ZDHHC8: variants seen among roughly 807,000 people sequenced by gnomAD.
The protein encoded by ZDHHC8 is zDHHC palmitoyltransferase 8, also known as palmitoyltransferase ZDHHC8.
Under a neutral mutation model 61.2 loss-of-function variants are expected in ZDHHC8, and 24 were observed. The ratio of observed to expected loss-of-function variants is 0.39; its 90% confidence interval spans 0.28 to 0.55. The LOEUF (loss-of-function observed/expected upper bound fraction) is 0.55. Ranked by LOEUF, ZDHHC8 falls within the 20% of genes least tolerant of loss-of-function variation. ZDHHC8 has a pLI of 0.60. For synonymous variants in ZDHHC8, 523 were observed against 492.5 expected, an observed-to-expected ratio of 1.06 and a Z score of -0.82; for missense variants, 935 against 1,102.1, an observed-to-expected ratio of 0.85 and a Z score of 2.15.
chr22:20,141,214 C>A lies in ZDHHC8; in HGVS notation c.895-3C>A. The A allele has an allele frequency of 6.2e-7, 1 of 1,610,468 alleles. No individual in the cohort carries two copies. Among genetic ancestry groups the A allele is most frequent in the Non-Finnish European group, 8.5e-7 (1 of 1,178,968 alleles). On this transcript the variant is annotated splice_region_variant and splice_polypyrimidine_tract_variant and intron_variant, in intron 7 of 10. Transcript: ENST00000334554. ...ACACACCACTGACCCCGCTCCCTCC[C>A]AGTCCAAGGGCAGCCTGGACCGGCT...
At chr22:20,141,108 CAG>C (rs2050465237) in intron 7 of ZDHHC8, 96 bp downstream of exon 7, 25 of 1,591,864 alleles carry the variant, frequency 1.6e-5, no homozygotes, top group Middle Eastern at 2.0e-4. Flanking sequence ...ATGGGGCAGA[CAG>C]AGCCGTAGAC....
rs2050489951 is a variant in ZDHHC8 at position 20,143,254 on chromosome 22, G to A, written c.1624G>A (p.Asp542Asn). ...CCGGGAGCCCTCGCCTGTGCGCTAC[G>A]ACAACCTGTCCAGGACCATCATGGC... ...RPREPSPVRY[D>N]NLSRTIMASI... is the part of the protein sequence containing the mutation. The change falls in exon 10 of 11, where the codon GAC becomes AAC. Residue 542 changes from aspartate (D) to asparagine (N), a missense_variant. Coordinates refer to ENST00000334554, the MANE Select transcript of ZDHHC8 (RefSeq NM_013373.4). 2.5e-6 allele frequency: 4 copies of A among 1,606,252 alleles called. No individual in the cohort carries two copies. The highest frequency in any genetic ancestry group is 1.1e-5 in the South Asian group (1 of 91,014).
At chr22:20,134,687 C>T (rs973884019) in intron 1 of ZDHHC8, among the ~76,000 whole-genome samples, 1 of 152,250 alleles carries the variant, frequency 6.6e-6, no homozygotes, top group Non-Finnish European at 1.5e-5. Flanking sequence ...TTCACCCATG[C>T]ACCAGGTGGG....
Position 20,136,197 on chromosome 22 carries a change from A to G in ZDHHC8, c.105-2997A>G, listed in dbSNP as rs1036993470. On this transcript the variant is annotated intron_variant, in intron 1 of 10. Transcript: ENST00000334554. ...ATGGCGGGCCAGACACTCCACCTCC[A>G]GCCCAGGCCCAGAGCCTGTCTTTGC... Among the ~76,000 whole-genome samples the G allele has an allele frequency of 6.6e-5, 10 of 152,204 alleles. No homozygotes were observed. In the East Asian group the frequency reaches 1.2e-3, roughly 18 times the overall value.
At chr22:20,143,839 CAT>C in intron 10 of ZDHHC8, 83 bp downstream of exon 10, 2 of 1,454,402 alleles carry the variant, frequency 1.4e-6, no homozygotes, top group Admixed American at 2.3e-5. Flanking sequence ...GCTGGGCACT[CAT>C]AGGTCATCCC....
intron 5 of ZDHHC8, 169 bp from the exon 6 acceptor site, chr22:20,140,448 C>A: frequency 1.2e-6 from 1 of 823,210 alleles, no homozygotes; most frequent in Non-Finnish European, 1.9e-6. Context: ...CAGCTCCCTG[C>A]AAGTTCAGGC....
chr22:20,142,733 G>C, intron 9 of ZDHHC8, 23 bp from the exon 10 acceptor site: 1 of 1,611,330 alleles, frequency 6.2e-7, no homozygotes. Flanking sequence ...GTGGGCAGTG[G>C]TGAGAATGCC....
Position 20,143,438 on chromosome 22 carries a change from G to T in ZDHHC8, c.1808G>T (p.Arg603Leu). ...LSEGPRGPAL[R>L]YGSRDDLVAG... is the part of the protein sequence containing the mutation. ...GAGGGCCCCCGAGGTCCCGCGCTGC[G>T]CTATGGCTCCAGAGACGACCTTGTG... Residue 603 changes from arginine to leucine, a missense_variant, in exon 10 of 11, where the codon CGC becomes CTC. Coordinates refer to ENST00000334554, the MANE Select transcript of ZDHHC8 (RefSeq NM_013373.4). 6.2e-7 allele frequency: 1 copy of T among 1,600,536 alleles called. No homozygotes were observed. The highest frequency in any genetic ancestry group is 8.5e-7 in the Non-Finnish European group (1 of 1,179,130).
In ZDHHC8 at chr22:20,131,877, G is replaced by A. The variant is rs1259017607; in HGVS notation, c.-71G>A. ...TGCGCCGCGTCCAGCCCGCCCGCCC[G>A]ACCCCGGCCCGACCCCGGCCGGCCC... On this transcript the variant is annotated 5_prime_UTR_variant, in exon 1 of 11. Coordinates refer to ENST00000334554, the MANE Select transcript of ZDHHC8 (RefSeq NM_013373.4). 1.3e-4 allele frequency: 23 copies of A among 180,814 alleles called. No homozygotes were observed. The highest frequency in any genetic ancestry group is 1.7e-4 in the Non-Finnish European group (17 of 99,502). The allele number at this position is 180,814 out of a possible 1,614,324, so 11.2% of individuals were successfully genotyped here.
chr22:20,134,917 C>T (rs548844115), intron 1 of ZDHHC8, among the ~76,000 whole-genome samples: 4 of 152,024 alleles, frequency 2.6e-5, no homozygotes, highest in Non-Finnish European at 5.9e-5. Flanking sequence ...CTTCAGGAAG[C>T]CTTCCTAGGA....
rs1217929953 is a variant in ZDHHC8, at chr22:20,139,557, C to T, written c.306C>T (p.Arg102=). 6.2e-7 allele frequency: 1 copy of T among 1,613,428 alleles called. No homozygotes were observed. Among genetic ancestry groups the T allele is most frequent in the Admixed American group, 1.7e-5 (1 of 60,022 alleles). Residue 102 remains arginine (R), a synonymous_variant, in exon 3 of 11, where the codon CGC becomes CGT. Transcript: ENST00000334554. ...KNVDVRGIQV[R]MKWCATCHFY... ...TGGATGTGCGAGGTATCCAGGTCCGCATGAAGTGGTGTGCCACGTGCCACT... is the reference window on the plus strand; with the variant it reads ...TGGATGTGCGAGGTATCCAGGTCCGTATGAAGTGGTGTGCCACGTGCCACT...
Position 20,142,987 on chromosome 22 carries a change from T to C in ZDHHC8, c.1357T>C (p.Ser453Pro). 3.7e-6 allele frequency: 6 copies of C among 1,605,590 alleles called. No individual in the cohort carries two copies. The highest frequency in any genetic ancestry group is 1.3e-5 in the African/African-American group (1 of 74,872). ...GDHVALQPLR[S>P]EGGPPTPHRS... The stretch of plus-strand genomic sequence containing the variant: ...TCATGTGGCCCTGCAGCCCCTGCGC[T>C]CTGAGGGGGGGCCCCCCACGCCCCA... Residue 453 changes from serine to proline, a missense_variant, in exon 10 of 11, where the codon TCT (serine) becomes CCT (proline). Coordinates refer to ENST00000334554, the MANE Select transcript of ZDHHC8 (RefSeq NM_013373.4).
rs2050455157 is a variant in ZDHHC8, at chr22:20,140,131, G to A, written c.574G>A (p.Val192Met). ...HTTITMAVMCVAGLFFIPVIG... is the reference protein window; with the variant it reads ...HTTITMAVMCMAGLFFIPVIG... ...ACGGGCTAGCATGGCTGTCATGTGT[G>A]TGGCCGGCCTCTTCTTCATCCCTGT... is the stretch of plus-strand genomic sequence containing the variant. The change falls in exon 5 of 11, where the codon GTG becomes ATG. Residue 192 changes from valine (V) to methionine (M), a missense_variant. Around this residue, in one of 3 missense-constraint regions of ZDHHC8, gnomAD observed 199 missense variants for 334.0 expected, o/e 0.60. Coordinates refer to ENST00000334554, the MANE Select transcript of ZDHHC8 (RefSeq NM_013373.4). 1 of 1,613,732 alleles carries A rather than the reference G, an allele frequency of 6.2e-7. No individual in the cohort carries two copies. The highest frequency in any genetic ancestry group is 8.5e-7 in the Non-Finnish European group (1 of 1,180,018).
Position 20,146,597 on chromosome 22 carries a change from G to A in ZDHHC8, c.*1197G>A, listed in dbSNP as rs533115449. 26 of 998,234 alleles carry A rather than the reference G, an allele frequency of 2.6e-5. No homozygotes were observed. Among genetic ancestry groups the A allele is most frequent in the African/African-American group, 6.9e-5 (4 of 57,850 alleles). The allele number at this position is 998,234 out of a possible 1,614,324, so 61.8% of individuals were successfully genotyped here. On this transcript the variant is annotated 3_prime_UTR_variant, in exon 11 of 11. Transcript: ENST00000334554. Reference sequence around the variant, plus strand: ...TGGGTTCCTCAGGGGCATTTCTGCCGACTTGGGCTGAGTCAGAGGCTTGGG... The same window carrying A: ...TGGGTTCCTCAGGGGCATTTCTGCCAACTTGGGCTGAGTCAGAGGCTTGGG...
chr22:20,144,810 T>A (rs1055763982), intron 10 of ZDHHC8, among the ~76,000 whole-genome samples: 3 of 151,962 alleles, frequency 2.0e-5, no homozygotes, highest in Admixed American at 6.5e-5. Context: ...TCAGCGCTGG[T>A]GGGCAGGAGG....
At position 20,140,230 on chromosome 22, in the gene ZDHHC8, T is replaced by TG; in HGVS notation, c.660+18dup. ...CACCAACGAGCAGGTGCAGACCCCATGGGGGATGGGTGGCCCCAAAGGGCC... is the reference window on the plus strand; with the variant it reads ...CACCAACGAGCAGGTGCAGACCCCATGGGGGGATGGGTGGCCCCAAAGGGCC... On this transcript the variant is annotated intron_variant, in intron 5 of 10. Transcript: ENST00000334554. 3 of 1,607,976 alleles carry TG rather than the reference T, an allele frequency of 1.9e-6. No individual in the cohort carries two copies. Among genetic ancestry groups the TG allele is most frequent in the Non-Finnish European group, 2.5e-6 (3 of 1,178,558 alleles).
At chr22:20,133,687 A>G (rs1480151136) in intron 1 of ZDHHC8, among the ~76,000 whole-genome samples, 9 of 146,962 alleles carry the variant, frequency 6.1e-5, no homozygotes, top group Non-Finnish European at 1.0e-4. Flanking sequence ...GCACCACTGC[A>G]CTCCAGCCTG....
At position 20,143,548 on chromosome 22, in the gene ZDHHC8, C is replaced by T. The variant is rs747471551; in HGVS notation, c.1918C>T (p.Arg640Trp). The T allele has an allele frequency of 8.1e-6, 13 of 1,596,470 alleles. No homozygotes were observed. Among genetic ancestry groups the T allele is most frequent in the East Asian group, 6.7e-5 (3 of 44,684 alleles). Residue 640 changes from arginine (R) to tryptophan (W), a missense_variant, in exon 10 of 11, where the codon CGG (arginine) becomes TGG (tryptophan). By Grantham distance (101) the Arg-to-Trp change is moderately radical. Around this residue, in one of 3 missense-constraint regions of ZDHHC8, gnomAD observed 692 missense variants for 731.4 expected, o/e 0.95. Transcript: ENST00000334554. Reference protein sequence around the residue: ...SLSSSVSRAPRTSSSSLQADQ... With the variant: ...SLSSSVSRAPWTSSSSLQADQ... ...GTCCAGCTCCGTGAGCCGTGCACCG[C>T]GGACGTCGTCCTCCTCCCTGCAGGC... is the stretch of plus-strand genomic sequence containing the variant.
chr22:20,146,141 G>C lies in ZDHHC8; in HGVS notation c.*741G>C. Reference sequence around the variant, plus strand: ...CTTTATGCTCTTGTGGGAGGCGACGGGGGGGCAGGCGGGAGCAGGCACGGG... The same window carrying C: ...CTTTATGCTCTTGTGGGAGGCGACGCGGGGGCAGGCGGGAGCAGGCACGGG... On this transcript the variant is annotated 3_prime_UTR_variant, in exon 11 of 11. Transcript: ENST00000334554. The C allele has an allele frequency of 7.1e-6, 7 of 985,706 alleles. No individual in the cohort carries two copies. The highest frequency in any genetic ancestry group is 8.4e-6 in the Non-Finnish European group (7 of 829,946). The allele number at this position is 985,706 out of a possible 1,614,324, so 61.1% of individuals were successfully genotyped here. A position where few individuals can be genotyped will look rare whatever the true frequency, so the allele number is the denominator to read the frequency against.
Sources: gnomAD v4.1 joint callset for allele counts (sites outside exome capture counted in the v4.1 genomes callset) on GRCh38, gnomAD v4.1.1 for gene constraint, gnomAD v4.1.1 regional missense constraint, MANE v1.5 for transcripts, NCBI Gene and HGNC (gene_info 2026-07-23, HGNC 2026-07-21) for gene names.